The following LIN54 variants were observed in gnomAD, a reference collection of about 807,000 sequenced individuals.
LIN54 encodes lin-54 DREAM MuvB core complex component, also known as protein lin-54 homolog.
A neutral mutation model predicts 78.7 loss-of-function variants in LIN54; 9 were observed. The ratio of observed to expected loss-of-function variants is 0.11; its 90% CI spans 0.07 to 0.20. The LOEUF (loss-of-function observed/expected upper bound fraction) is 0.20, where lower values mean the gene tolerates loss of function less well. Ranked by LOEUF, LIN54 falls within the 10% of genes least tolerant of loss-of-function variation. The pLI is 1.00. For synonymous variants in LIN54, 269 were observed against 318.4 expected, an observed-to-expected ratio of 0.84 and a Z score of 1.65; for missense variants, 573 against 889.9, an observed-to-expected ratio of 0.64 and a Z score of 4.53.
At chr4:82,939,067 A>G (rs1722626376) in intron 7 of LIN54, among the ~76,000 whole-genome samples, 1 of 152,210 alleles carries the variant, frequency 6.6e-6, no homozygotes, top group South Asian at 2.1e-4. Context: ...CCCGTCTTTC[A>G]TTCTAAAGAT....
At chr4:82,935,358 G>A (rs937624968) in intron 11 of LIN54, among the ~76,000 whole-genome samples, 4 of 150,938 alleles carry the variant, frequency 2.7e-5, no homozygotes, top group South Asian at 2.1e-4. Flanking sequence ...CCATGATCTC[G>A]GCTCACTGCA....
intron 1 of LIN54, among the ~76,000 whole-genome samples, chr4:82,993,236 G>A (rs1314530421): frequency 1.5e-5 from 1 of 67,886 alleles, no homozygotes; most frequent in Admixed American, 1.3e-4. Context: ...TTTTTTTTGA[G>A]ATGGAGTTTC....
chr4:82,950,407 C>T lies in LIN54; in HGVS notation c.952-3933G>A, dbSNP rs949233931. The stretch of plus-strand genomic sequence containing the variant: ...AAAAAACTAAGTAACATATAAGTTA[C>T]TACTTAAAAACTGAAAAAGACAGAA... On this transcript the variant is annotated intron_variant, in intron 4 of 12. Transcript: ENST00000340417. 3.3e-5 allele frequency among the ~76,000 whole-genome samples: 5 copies of T among 152,304 alleles called. No individual in the cohort carries two copies. The South Asian group carries it at 1.0e-3, about 32-fold the overall frequency.
At chr4:82,942,856 GCGCGCACACACACACA>G (rs1460259429) in intron 5 of LIN54, among the ~76,000 whole-genome samples, 1,614 of 147,466 alleles carry the variant, frequency 0.011, 41 homozygotes, top group East Asian at 0.092. Flanking sequence ...GTGCGTGTGC[GCGCGCACACACACACA>G]CACACACACA....
At chr4:82,992,767 G>A (rs140508389) in intron 1 of LIN54, among the ~76,000 whole-genome samples, 2,627 of 152,064 alleles carry the variant, frequency 0.017, 78 homozygotes, top group African/African-American at 0.059. Context: ...GGTGGCTCAC[G>A]CCTGTAATCC....
chr4:83,009,904 A>T (rs139043295), intron 1 of LIN54, among the ~76,000 whole-genome samples: 185 of 152,360 alleles, frequency 1.2e-3, no homozygotes, highest in Non-Finnish European at 4.0e-4. Context: ...CAGGAGGGTG[A>T]GTATAGAGAA....
chr4:82,975,568 C>T (rs1409082296), intron 3 of LIN54, among the ~76,000 whole-genome samples: 1 of 151,562 alleles, frequency 6.6e-6, no homozygotes, highest in Non-Finnish European at 1.5e-5. Context: ...AAAAATTAGC[C>T]GGGCATAGTG....
intron 1 of LIN54, among the ~76,000 whole-genome samples, chr4:82,986,857 C>T (rs1398628466): frequency 2.6e-5 from 4 of 152,234 alleles, no homozygotes; most frequent in Non-Finnish European, 5.9e-5. Context: ...TTTAATTTAT[C>T]CTCACAACAA....
chr4:82,939,801 A>C, intron 6 of LIN54, 65 bp from the exon 7 acceptor site: 4 of 1,589,568 alleles, frequency 2.5e-6, no homozygotes, highest in Non-Finnish European at 3.5e-6. Flanking sequence ...ATTCAGTATA[A>C]ATCTCTTGCA....
intron 3 of LIN54, among the ~76,000 whole-genome samples, chr4:82,974,533 C>T (rs1725983798): frequency 6.6e-6 from 1 of 151,732 alleles, no homozygotes; most frequent in Non-Finnish European, 1.5e-5. Context: ...GGTCAGGAGT[C>T]CGAGACCAGC....
chr4:83,003,162 T>A (rs1040375094), intron 1 of LIN54, among the ~76,000 whole-genome samples: 10 of 152,016 alleles, frequency 6.6e-5, no homozygotes, highest in Admixed American at 3.9e-4. Flanking sequence ...TACAGACGTG[T>A]GCCACCACGC....
rs879897504 is a variant in LIN54, at chr4:82,955,422, A to AAC, written c.952-8949_952-8948insGT. 7.3e-3 allele frequency among the ~76,000 whole-genome samples: 1,106 copies of AAC among 151,982 alleles called. 18 individuals carry two copies. Among genetic ancestry groups the AAC allele is most frequent in the Middle Eastern group, 0.014 (4 of 294 alleles). Reference sequence around the variant, plus strand: ...AACATAACATAACATAACATAACATAATGAACAGACAAGCCATAGATTGAG... The same window carrying AAC: ...AACATAACATAACATAACATAACATAACATGAACAGACAAGCCATAGATTGAG... On this transcript the variant is annotated intron_variant, in intron 4 of 12. Coordinates refer to ENST00000340417, the MANE Select transcript of LIN54 (RefSeq NM_194282.4).
At chr4:82,933,691 T>G (rs1342141716) in intron 11 of LIN54, among the ~76,000 whole-genome samples, 1 of 152,264 alleles carries the variant, frequency 6.6e-6, no homozygotes, top group Non-Finnish European at 1.5e-5. Flanking sequence ...GAATGATAAA[T>G]TTGTTACTAG....
rs960625731 is a variant in LIN54, at chr4:83,010,468, C to G, written c.-33+16G>C. On this transcript the variant is annotated intron_variant, in intron 1 of 12. Transcript: ENST00000340417. ...CTCCGGACAGAGAAGCCCTCGGGTA[C>G]CCCATCCTCCTCTACCTCCAGCGGC... The G allele has an allele frequency of 8.8e-6, 9 of 1,017,502 alleles. No individual in the cohort carries two copies. Among genetic ancestry groups the G allele is most frequent in the Non-Finnish European group, 7.0e-6 (6 of 851,572 alleles). The allele number at this position is 1,017,502 out of a possible 1,614,324, so 63.0% of individuals were successfully genotyped here. A position where few individuals can be genotyped will look rare whatever the true frequency, so the allele number is the denominator to read the frequency against.
chr4:82,942,323 G>A (rs1383759398), intron 5 of LIN54, among the ~76,000 whole-genome samples: 1 of 152,136 alleles, frequency 6.6e-6, no homozygotes, highest in African/African-American at 2.4e-5. Flanking sequence ...ATGATTAGTG[G>A]TGATGGTTGC....
At chr4:82,955,046 C>T (rs1197317661) in intron 4 of LIN54, among the ~76,000 whole-genome samples, 1 of 152,090 alleles carries the variant, frequency 6.6e-6, no homozygotes, top group African/African-American at 2.4e-5. Context: ...TAATATGATT[C>T]AAGAACATGA....
intron 1 of LIN54, among the ~76,000 whole-genome samples, chr4:82,996,755 T>C (rs1206492421): frequency 6.6e-6 from 1 of 152,048 alleles, no homozygotes; most frequent in African/African-American, 2.4e-5. Context: ...CAAAGTATGT[T>C]CTAGAAGCCA....
intron 2 of LIN54, among the ~76,000 whole-genome samples, chr4:82,979,244 T>C (rs1726421779): frequency 6.6e-6 from 1 of 152,200 alleles, no homozygotes; most frequent in Admixed American, 6.5e-5. Context: ...TTCCTTATTT[T>C]CATGTCTTGG....
At chr4:83,004,745 C>CA (rs1560800824) in intron 1 of LIN54, among the ~76,000 whole-genome samples, 1 of 152,104 alleles carries the variant, frequency 6.6e-6, no homozygotes, top group Non-Finnish European at 1.5e-5. Flanking sequence ...GCTATCCTGC[C>CA]ACCTTGGCCT....
Sources: allele counts gnomAD v4.1 joint callset (sites outside exome capture counted in the v4.1 genomes callset), GRCh38; gene constraint gnomAD v4.1.1; transcripts MANE v1.5; gene names NCBI Gene and HGNC (gene_info 2026-07-23, HGNC 2026-07-21).